Variants in AGPAT4 observed in about 807,000 individuals in gnomAD.
AGPAT4 encodes the protein 1-acyl-sn-glycerol-3-phosphate acyltransferase delta.
Under a neutral mutation model 48.0 loss-of-function variants are expected in AGPAT4, and 15 were observed. That is an observed-to-expected ratio of 0.31 (90% CI 0.21 to 0.48). AGPAT4 has a LOEUF of 0.48. Among genes scored for constraint, AGPAT4 ranks in the 20% least tolerant of loss-of-function variants. The pLI, the probability that AGPAT4 is intolerant of heterozygous loss-of-function variation, is 0.99. For missense variants in AGPAT4, 314 were observed against 482.5 expected, an observed-to-expected ratio of 0.65 and a Z score of 3.27; for synonymous variants, 178 against 198.7, an observed-to-expected ratio of 0.90 and a Z score of 0.88.
rs1478399346 is a variant in AGPAT4 at position 161,234,654 on chromosome 6, G to A, written c.-89-2352C>T. ...TTCATGCAATTTGTTCATTGTCCCC[G>A]GATTAGCCACTAATAGCGTCAAGAC... is the stretch of plus-strand genomic sequence containing the variant. On this transcript the variant is annotated intron_variant, in intron 1 of 8. Transcript: ENST00000320285. This position sits in a 1 kb window ranked among gnomAD's most constrained non-coding sequence, Gnocchi z 4.4. Among the ~76,000 whole-genome samples the A allele has an allele frequency of 1.3e-5, 2 of 152,020 alleles. No homozygotes were observed. Among genetic ancestry groups the A allele is most frequent in the South Asian group, 2.1e-4 (1 of 4,818 alleles).
Position 161,212,132 on chromosome 6 carries a change from A to T in AGPAT4, c.178+19904T>A, listed in dbSNP as rs952304984. Among the ~76,000 whole-genome samples, 5 of 152,228 alleles carry T rather than the reference A, an allele frequency of 3.3e-5. No individual in the cohort carries two copies. The highest frequency in any genetic ancestry group is 7.3e-5 in the Non-Finnish European group (5 of 68,032). On this transcript the variant is annotated intron_variant, in intron 2 of 8. Coordinates refer to ENST00000320285, the MANE Select transcript of AGPAT4 (RefSeq NM_020133.3). The surrounding 1 kb of genome is among the most constrained non-coding windows in gnomAD (Gnocchi z 6.1). ...ATTAACTGACTCCTCAGTAAATGTTATAAAGGTTATAAAAGGCTTATGGAA... is the reference window on the plus strand; with the variant it reads ...ATTAACTGACTCCTCAGTAAATGTTTTAAAGGTTATAAAAGGCTTATGGAA...
chr6:161,160,964 A>G (rs1354729884), intron 3 of AGPAT4: 1 of 456,582 alleles, frequency 2.2e-6, no homozygotes, highest in East Asian at 7.0e-5. Context: ...GGTGCTTGCT[A>G]AACAGTTGCA....
In AGPAT4 at chr6:161,163,360, T is replaced by C. The variant is rs186079232; in HGVS notation, c.348+2888A>G. ...AGACTCCAGAAGGATCCCAACATCA[T>C]GTGTTATTTAAGAAAAAACAGAGAG... On this transcript the variant is annotated intron_variant, in intron 3 of 8. Coordinates refer to ENST00000320285, the MANE Select transcript of AGPAT4 (RefSeq NM_020133.3). Among the ~76,000 whole-genome samples, 317 of 152,262 alleles carry C rather than the reference T, an allele frequency of 2.1e-3. 1 individual carries two copies. Among genetic ancestry groups the C allele is most frequent in the Non-Finnish European group, 1.2e-3 (80 of 68,008 alleles).
rs749215317 is a variant in AGPAT4 at position 161,144,103 on chromosome 6, T to TAG, written c.843+2420_843+2421insCT. 28 of 532,258 alleles carry TAG rather than the reference T, an allele frequency of 5.3e-5. 1 individual carries two copies. In the Middle Eastern group the frequency reaches 1.6e-3, roughly 30 times the overall value. 33.0% of individuals were successfully genotyped at this position (532,258 alleles called of 1,614,324 possible). On this transcript the variant is annotated intron_variant, in intron 7 of 8. Coordinates refer to ENST00000320285, the MANE Select transcript of AGPAT4 (RefSeq NM_020133.3). The surrounding 1 kb of genome is among the most constrained non-coding windows in gnomAD (Gnocchi z 6.6). ...CTAGGCTCCTAGCAAAATAGGCTGA[T>TAG]ACAGAAAGGAATTGTCCCTTGATGT...
rs1168447288 is a variant in AGPAT4, at chr6:161,234,029, C to T, written c.-89-1727G>A. 2.0e-5 allele frequency among the ~76,000 whole-genome samples: 3 copies of T among 152,270 alleles called. No homozygotes were observed. Among genetic ancestry groups the T allele is most frequent in the African/African-American group, 4.8e-5 (2 of 41,552 alleles). On this transcript the variant is annotated intron_variant, in intron 1 of 8. Transcript: ENST00000320285. This position sits in a 1 kb window ranked among gnomAD's most constrained non-coding sequence, Gnocchi z 4.4. ...TTAACTCCGAGCTCTTTCTCCTGCA[C>T]GTGTCAGGGGTGTTCTGCTCCTGAG...
rs148746382 is a variant in AGPAT4, at chr6:161,204,577, G to T, written c.178+27459C>A. Among the ~76,000 whole-genome samples, 1 of 152,028 alleles carries T rather than the reference G, an allele frequency of 6.6e-6. No homozygotes were observed. Among genetic ancestry groups the T allele is most frequent in the East Asian group, 1.9e-4 (1 of 5,194 alleles). On this transcript the variant is annotated intron_variant, in intron 2 of 8. Coordinates refer to ENST00000320285, the MANE Select transcript of AGPAT4 (RefSeq NM_020133.3). This position sits in a 1 kb window ranked among gnomAD's most constrained non-coding sequence, Gnocchi z 4.4. ...CAGCACTGGATTCTTATTATCTCAT[G>T]ATGAAGTTTAACTCTCCCAAATTTT...
In AGPAT4 at chr6:161,139,658, G is replaced by T. The variant is rs756101507; in HGVS notation, c.844-38C>A. 3.2e-6 allele frequency: 5 copies of T among 1,538,622 alleles called. No homozygotes were observed. The African/African-American group carries it at 6.9e-5, about 21-fold the overall frequency. ...AAAGAGGACCCTCAGACGCCACACG[G>T]GGCTCGGTGGCAGGTCCCTCCCGAG... On this transcript the variant is annotated intron_variant, in intron 7 of 8. Transcript: ENST00000320285. The surrounding 1 kb of genome is among the most constrained non-coding windows in gnomAD (Gnocchi z 9.1).
intron 2 of AGPAT4, among the ~76,000 whole-genome samples, chr6:161,205,305 T>C (rs1781350617): frequency 6.6e-6 from 1 of 152,030 alleles, no homozygotes; most frequent in Non-Finnish European, 1.5e-5. Context: ...TGGAGCCAAA[T>C]GGTGAGAACC....
intron 2 of AGPAT4, among the ~76,000 whole-genome samples, chr6:161,230,929 T>C (rs977247616): frequency 1.3e-5 from 2 of 152,222 alleles, no homozygotes; most frequent in South Asian, 4.1e-4. Flanking sequence ...TAAATAAAGA[T>C]ATGTCTATGA....
Position 161,195,655 on chromosome 6 carries a change from G to A in AGPAT4, c.179-29238C>T, listed in dbSNP as rs1021506889. The stretch of plus-strand genomic sequence containing the variant: ...AGAAAGAGACCTTGCATCAGGCTGT[G>A]TCATGCCTCAGTCACCTTTGACTAC... On this transcript the variant is annotated intron_variant, in intron 2 of 8. Transcript: ENST00000320285. This position sits in a 1 kb window ranked among gnomAD's most constrained non-coding sequence, Gnocchi z 5.0. Among the ~76,000 whole-genome samples the A allele has an allele frequency of 6.6e-6, 1 of 152,230 alleles. No homozygotes were observed. Among genetic ancestry groups the A allele is most frequent in the African/African-American group, 2.4e-5 (1 of 41,468 alleles).
At chr6:161,185,454 C>G (rs1171289187) in intron 2 of AGPAT4, among the ~76,000 whole-genome samples, 1 of 151,872 alleles carries the variant, frequency 6.6e-6, no homozygotes, top group Admixed American at 6.6e-5. Flanking sequence ...CCACACCTGG[C>G]CAAGATGTCT....
Position 161,139,535 on chromosome 6 carries a change from T to G in AGPAT4, c.929A>C (p.Asn310Thr). Residue 310 changes from asparagine to threonine, a missense_variant, in exon 8 of 9, where the codon AAC becomes ACC. Coordinates refer to ENST00000320285, the MANE Select transcript of AGPAT4 (RefSeq NM_020133.3). The surrounding 1 kb of genome is among the most constrained non-coding windows in gnomAD (Gnocchi z 9.1). ...VPPRRPWTLV[N>T]WLFWASLVLY... ...CACCAGCGAGGCCCAAAACAGCCAG[T>G]TCACGAGGGTCCAGGGCCGCCGGGG... 6.2e-7 allele frequency: 1 copy of G among 1,614,074 alleles called. No individual in the cohort carries two copies. Among genetic ancestry groups the G allele is most frequent in the Non-Finnish European group, 8.5e-7 (1 of 1,180,004 alleles).
At chr6:161,179,968 A>T (rs1234009230) in intron 2 of AGPAT4, among the ~76,000 whole-genome samples, 1 of 150,570 alleles carries the variant, frequency 6.6e-6, no homozygotes, top group African/African-American at 2.5e-5. Flanking sequence ...TAAACAATTT[A>T]AAATCAGAGA....
rs150830170 is a variant in AGPAT4, at chr6:161,244,368, G to A, written c.-89-12066C>T. ...CAAAGAAGACTTTTTAATAAAATCT[G>A]ATCTTTAATATTTCAAAATACGACA... On this transcript the variant is annotated intron_variant, in intron 1 of 8. Transcript: ENST00000320285. This position sits in a 1 kb window ranked among gnomAD's most constrained non-coding sequence, Gnocchi z 4.7. Among the ~76,000 whole-genome samples the A allele has an allele frequency of 2.0e-5, 3 of 152,230 alleles. No homozygotes were observed. The highest frequency in any genetic ancestry group is 3.9e-4 in the East Asian group (2 of 5,184).
In AGPAT4 at chr6:161,242,591, A is replaced by T. The variant is rs1417830769; in HGVS notation, c.-89-10289T>A. 6.6e-6 allele frequency among the ~76,000 whole-genome samples: 1 copy of T among 152,108 alleles called. No individual in the cohort carries two copies. The highest frequency in any genetic ancestry group is 1.5e-5 in the Non-Finnish European group (1 of 68,024). ...TGGCTAGATGCATTTCCAACAACCGAGGGTGTATGAGCTATTTTAAACAAT... is the reference window on the plus strand; with the variant it reads ...TGGCTAGATGCATTTCCAACAACCGTGGGTGTATGAGCTATTTTAAACAAT... On this transcript the variant is annotated intron_variant, in intron 1 of 8. Coordinates refer to ENST00000320285, the MANE Select transcript of AGPAT4 (RefSeq NM_020133.3). The surrounding 1 kb of genome is among the most constrained non-coding windows in gnomAD (Gnocchi z 5.0).
chr6:161,207,609 G>A (rs1313457907), intron 2 of AGPAT4, among the ~76,000 whole-genome samples: 3 of 152,230 alleles, frequency 2.0e-5, no homozygotes, highest in Non-Finnish European at 4.4e-5. Context: ...TCCAGTGAAT[G>A]GGGACCTGCG....
rs1778903919 is a variant in AGPAT4 at position 161,131,691 on chromosome 6, G to A, written c.*4849C>T. 1 of 152,212 alleles carries A rather than the reference G, an allele frequency of 6.6e-6. No individual in the cohort carries two copies. Among genetic ancestry groups the A allele is most frequent in the African/African-American group, 2.4e-5 (1 of 41,450 alleles). 9.4% of individuals were successfully genotyped at this position (152,212 alleles called of 1,614,324 possible). On this transcript the variant is annotated 3_prime_UTR_variant, in exon 9 of 9. Transcript: ENST00000320285. ...TGTAGGTGCAATTTCTGATTTCTTA[G>A]TTTTTGACCAAAATAGCAGTAATTT... is the stretch of plus-strand genomic sequence containing the variant.
chr6:161,170,434 T>C (rs577941439), intron 2 of AGPAT4, among the ~76,000 whole-genome samples: 12 of 151,538 alleles, frequency 7.9e-5, no homozygotes, highest in Admixed American at 2.6e-4. Flanking sequence ...TTTTTTCCCC[T>C]AGGCATTTAT....
rs1421692384 is a variant in AGPAT4, at chr6:161,147,099, C to T, written c.768-500G>A. ...TCTGGCCTCTTGGTTAGCCTTGAGG[C>T]AGACTTTCTGCAAAGGTTTTGACAA... On this transcript the variant is annotated intron_variant, in intron 6 of 8. Coordinates refer to ENST00000320285, the MANE Select transcript of AGPAT4 (RefSeq NM_020133.3). This position sits in a 1 kb window ranked among gnomAD's most constrained non-coding sequence, Gnocchi z 4.8. Among the ~76,000 whole-genome samples, 1 of 152,194 alleles carries T rather than the reference C, an allele frequency of 6.6e-6. No individual in the cohort carries two copies. Among genetic ancestry groups the T allele is most frequent in the Non-Finnish European group, 1.5e-5 (1 of 68,028 alleles).
Sources: allele counts gnomAD v4.1 joint callset (sites outside exome capture counted in the v4.1 genomes callset), GRCh38; gene constraint gnomAD v4.1.1; non-coding constraint Gnocchi (gnomAD v3.1); transcripts MANE v1.5; gene names NCBI Gene and HGNC (gene_info 2026-07-23, HGNC 2026-07-21).